Variants in ACSBG1 observed in about 807,000 individuals in gnomAD.
The protein encoded by ACSBG1 is long-chain-fatty-acid--CoA ligase ACSBG1.
A neutral mutation model predicts 80.2 loss-of-function variants in ACSBG1; 39 were observed. The ratio of observed to expected loss-of-function variants is 0.49; its 90% CI spans 0.38 to 0.64. The LOEUF is 0.64. Among genes scored for constraint, ACSBG1 ranks in the 30% least tolerant of loss-of-function variants. The pLI is 0.00. For missense variants in ACSBG1, 828 were observed against 966.4 expected, an observed-to-expected ratio of 0.86 and a Z score of 1.90; for synonymous variants, 392 against 379.5, an observed-to-expected ratio of 1.03 and a Z score of -0.38.
chr15:78,174,693 G>C, intron 11 of ACSBG1, 169 bp from the exon 12 acceptor site: 2 of 722,792 alleles, frequency 2.8e-6, no homozygotes, highest in Non-Finnish European at 4.4e-6. Flanking sequence ...ACACCTGCTT[G>C]GGGGCTGGTG....
intron 11 of ACSBG1, 142 bp from the exon 12 acceptor site, chr15:78,174,666 G>C: frequency 1.0e-6 from 1 of 992,062 alleles, no homozygotes; most frequent in Non-Finnish European, 1.4e-6. Flanking sequence ...GCAGTGGCAG[G>C]CCCTCCAAAG....
chr15:78,208,551 C>CCATG (rs2075238737), intron 1 of ACSBG1, among the ~76,000 whole-genome samples: 1 of 152,208 alleles, frequency 6.6e-6, no homozygotes, highest in African/African-American at 2.4e-5. Flanking sequence ...CAGTCCCCAG[C>CCATG]CATGCCCAGA....
At chr15:78,205,973 A>G (rs1332123323) in intron 2 of ACSBG1, among the ~76,000 whole-genome samples, 1 of 152,166 alleles carries the variant, frequency 6.6e-6, no homozygotes, top group Non-Finnish European at 1.5e-5. Flanking sequence ...TGGACACGCC[A>G]TCCATGAGAA....
At chr15:78,207,563 C>G (rs112595644) in intron 2 of ACSBG1, among the ~76,000 whole-genome samples, 93 of 152,002 alleles carry the variant, frequency 6.1e-4, no homozygotes, top group Non-Finnish European at 1.9e-4. Context: ...TGTAATGTTT[C>G]AAGCCTCCAA....
At chr15:78,182,942 AG>A in intron 5 of ACSBG1, 157 bp from the exon 6 acceptor site, 1 of 735,560 alleles carries the variant, frequency 1.4e-6, no homozygotes, top group Non-Finnish European at 2.3e-6. Flanking sequence ...CTTCACCCAT[AG>A]TTTCCCTCCT....
intron 1 of ACSBG1, among the ~76,000 whole-genome samples, chr15:78,226,161 C>T (rs1393067232): frequency 2.0e-5 from 3 of 152,108 alleles, no homozygotes; most frequent in Admixed American, 2.0e-4. Context: ...TTAGTTATTT[C>T]AAAATGTACA....
Position 78,228,969 on chromosome 15 carries a change from C to T in ACSBG1, c.131+5402G>A, listed in dbSNP as rs564483975. On this transcript the variant is annotated intron_variant, in intron 1 of 13. Coordinates refer to ENST00000258873, the MANE Select transcript of ACSBG1 (RefSeq NM_015162.5). ...GTTATATTCTATTTTTTTTAATTAC[C>T]GACATTTTAAAAAAATGTTTGTATT... Among the ~76,000 whole-genome samples the T allele has an allele frequency of 3.9e-4, 60 of 151,996 alleles. No individual in the cohort carries two copies. The South Asian group carries it at 0.011, about 27-fold the overall frequency.
At position 78,182,964 on chromosome 15, in the gene ACSBG1, G is replaced by A. The variant is rs2074964452; in HGVS notation, c.664-179C>T. The A allele has an allele frequency of 1.2e-5, 8 of 661,386 alleles. No homozygotes were observed. The East Asian group carries it at 1.6e-4, about 14-fold the overall frequency. The allele number at this position is 661,386 out of a possible 1,614,324, so 41.0% of individuals were successfully genotyped here. On this transcript the variant is annotated intron_variant, in intron 5 of 13. Transcript: ENST00000258873. Reference sequence around the variant, plus strand: ...CATAGTTTCCCTCCTGAGAACTTGGGAGCAGTAAAGGTGGGGATAGCCAGG... The same window carrying A: ...CATAGTTTCCCTCCTGAGAACTTGGAAGCAGTAAAGGTGGGGATAGCCAGG...
intron 5 of ACSBG1, among the ~76,000 whole-genome samples, chr15:78,189,795 A>T (rs1278407940): frequency 6.6e-6 from 1 of 152,118 alleles, no homozygotes; most frequent in East Asian, 1.9e-4. Context: ...CACATTGTGC[A>T]CATGTACCCT....
At chr15:78,204,532 G>A (rs563562065) in intron 2 of ACSBG1, among the ~76,000 whole-genome samples, 97 of 152,356 alleles carry the variant, frequency 6.4e-4, no homozygotes, top group African/African-American at 2.3e-3. Flanking sequence ...GCAGGGGCTG[G>A]GTGGGTGCCT....
intron 1 of ACSBG1, chr15:78,212,723 C>T (rs1300239954): frequency 2.3e-5 from 9 of 391,296 alleles, no homozygotes; most frequent in Non-Finnish European, 4.2e-5. Flanking sequence ...TCCACCGGAC[C>T]GCCCTGCAAC....
chr15:78,206,248 A>C (rs755554149), intron 2 of ACSBG1, among the ~76,000 whole-genome samples: 6 of 152,130 alleles, frequency 3.9e-5, no homozygotes, highest in Admixed American at 2.6e-4. Context: ...TGAACTCCCA[A>C]GGGCAGAGCA....
At chr15:78,217,499 G>A (rs905356292) in intron 1 of ACSBG1, among the ~76,000 whole-genome samples, 1 of 152,112 alleles carries the variant, frequency 6.6e-6, no homozygotes, top group African/African-American at 2.4e-5. Context: ...GAGGTACAGA[G>A]AGTGAGGCAC....
Position 78,168,799 on chromosome 15 carries a change from G to T in ACSBG1, c.*2645C>A, listed in dbSNP as rs996564322. 4.6e-6 allele frequency: 3 copies of T among 654,072 alleles called. No individual in the cohort carries two copies. In the African/African-American group the frequency reaches 5.4e-5, roughly 12 times the overall value. 40.5% of individuals were successfully genotyped at this position (654,072 alleles called of 1,614,324 possible). On this transcript the variant is annotated 3_prime_UTR_variant, in exon 14 of 14. Transcript: ENST00000258873. ...GAGTGGTTCCTCACTTTGAAATGAGGAACTAAATGAAAGAGCAGCCGAGTA... is the reference window on the plus strand; with the variant it reads ...GAGTGGTTCCTCACTTTGAAATGAGTAACTAAATGAAAGAGCAGCCGAGTA...
At chr15:78,209,696 T>G (rs2075251410) in intron 1 of ACSBG1, among the ~76,000 whole-genome samples, 1 of 152,146 alleles carries the variant, frequency 6.6e-6, no homozygotes, top group Non-Finnish European at 1.5e-5. Flanking sequence ...TGGGGAAGAC[T>G]GTGAACTTGG....
chr15:78,189,819 T>C (rs2075041438), intron 5 of ACSBG1, among the ~76,000 whole-genome samples: 1 of 151,788 alleles, frequency 6.6e-6, no homozygotes, highest in Non-Finnish European at 1.5e-5. Flanking sequence ...ACTTAAAGTA[T>C]AATAATAATA....
In ACSBG1 at chr15:78,182,688, G is replaced by C; in HGVS notation, c.744+17C>G. 1 of 1,614,098 alleles carries C rather than the reference G, an allele frequency of 6.2e-7. No individual in the cohort carries two copies. Among genetic ancestry groups the C allele is most frequent in the Non-Finnish European group, 8.5e-7 (1 of 1,179,938 alleles). Reference sequence around the variant, plus strand: ...CCAATAGGCCCCACCTGGCGCCCAGGGCCCCACTGCCCATACCGTGTACAC... The same window carrying C: ...CCAATAGGCCCCACCTGGCGCCCAGCGCCCCACTGCCCATACCGTGTACAC... On this transcript the variant is annotated intron_variant, in intron 6 of 13. Transcript: ENST00000258873.
In ACSBG1 at chr15:78,179,496, A is replaced by C. The variant is rs1595881075; in HGVS notation, c.1484+54T>G. ...CCAGGGCACTCAGCAGGCGGGCACAAAGTACCAGCAAGGGCGCATGGGTGT... is the reference window on the plus strand; with the variant it reads ...CCAGGGCACTCAGCAGGCGGGCACACAGTACCAGCAAGGGCGCATGGGTGT... On this transcript the variant is annotated intron_variant, in intron 10 of 13. Transcript: ENST00000258873. 5 of 1,531,190 alleles carry C rather than the reference A, an allele frequency of 3.3e-6. No homozygotes were observed. The East Asian group carries it at 1.1e-4, about 35-fold the overall frequency. The allele number at this position is 1,531,190 out of a possible 1,614,324, so 94.9% of individuals were successfully genotyped here.
rs1285581252 is a variant in ACSBG1, at chr15:78,168,728, C to T, written c.*2716G>A. On this transcript the variant is annotated 3_prime_UTR_variant, in exon 14 of 14. Coordinates refer to ENST00000258873, the MANE Select transcript of ACSBG1 (RefSeq NM_015162.5). ...TCTTTGCAGAGTGCTGTTGTATACA[C>T]TATGAGATTGGATCCCGATCCTCCT... 2 of 531,906 alleles carry T rather than the reference C, an allele frequency of 3.8e-6. No individual in the cohort carries two copies. The highest frequency in any genetic ancestry group is 3.0e-4 in the Middle Eastern group (1 of 3,356). 32.9% of individuals were successfully genotyped at this position (531,906 alleles called of 1,614,324 possible).
Sources: gnomAD v4.1 joint callset for allele counts (sites outside exome capture counted in the v4.1 genomes callset) on GRCh38, gnomAD v4.1.1 for gene constraint, MANE v1.5 for transcripts, NCBI Gene and HGNC (gene_info 2026-07-23, HGNC 2026-07-21) for gene names.